Variants in LARP1B observed in about 807,000 individuals in gnomAD.
LARP1B encodes la-related protein 1B.
Under a neutral mutation model 114.2 loss-of-function variants are expected in LARP1B, and 76 were observed. That is an observed-to-expected ratio of 0.67 (90% confidence interval 0.55 to 0.81). LARP1B has a LOEUF of 0.81. Ranked by LOEUF, LARP1B falls within the 30% of genes least tolerant of loss-of-function variation. The probability of loss-of-function intolerance (pLI) is 0.00; values close to 1 mark genes in which losing one functional copy is unlikely to be tolerated. For synonymous variants in LARP1B, 345 were observed against 348.0 expected, an observed-to-expected ratio of 0.99 and a Z score of 0.10; for missense variants, 1,014 against 1,075.8, an observed-to-expected ratio of 0.94 and a Z score of 0.80.
Position 128,162,770 on chromosome 4 carries a change from T to TA in LARP1B, c.1648+460dup, listed in dbSNP as rs1025705306. On this transcript the variant is annotated intron_variant, in intron 12 of 19. Transcript: ENST00000326639. ...ATTATAGCCTTTTCCTGAAGGTGGT[T>TA]AAAAAAATGATTTATAAAAAGTCAC... Among the ~76,000 whole-genome samples the TA allele has an allele frequency of 2.0e-5, 3 of 152,058 alleles. No homozygotes were observed. The East Asian group carries it at 5.8e-4, about 29-fold the overall frequency.
chr4:128,205,688 T>C (rs537638522), intron 17 of LARP1B, among the ~76,000 whole-genome samples: 1 of 89,688 alleles, frequency 1.1e-5, no homozygotes, highest in Non-Finnish European at 3.2e-5. Flanking sequence ...GGCACAGCCG[T>C]ACAGTCTTTA....
intron 15 of LARP1B, among the ~76,000 whole-genome samples, chr4:128,197,880 C>CTTTTTTTTT (rs35888649): frequency 1.6e-4 from 14 of 87,010 alleles, no homozygotes; most frequent in Admixed American, 2.9e-4. Flanking sequence ...ACGATTGTAG[C>CTTTTTTTTT]TTTTTTTTTT....
intron 1 of LARP1B, among the ~76,000 whole-genome samples, chr4:128,068,273 C>G (rs1006315256): frequency 4.6e-5 from 7 of 151,740 alleles, no homozygotes; most frequent in Admixed American, 3.9e-4. Flanking sequence ...CCACCTTGGC[C>G]TCCCAAAGTG....
chr4:128,140,564 G>A (rs371552765), intron 11 of LARP1B, among the ~76,000 whole-genome samples: 11 of 152,126 alleles, frequency 7.2e-5, no homozygotes, highest in Non-Finnish European at 1.3e-4. Context: ...TGTGGGGGCT[G>A]GGGGGAGGTG....
intron 10 of LARP1B, among the ~76,000 whole-genome samples, chr4:128,116,544 G>T (rs1187031796): frequency 6.6e-6 from 1 of 152,138 alleles, no homozygotes; most frequent in South Asian, 2.1e-4. Flanking sequence ...AATTGGTTCT[G>T]GTAGCTGGTT....
At chr4:128,140,926 C>T (rs1266470031) in intron 11 of LARP1B, among the ~76,000 whole-genome samples, 2 of 150,960 alleles carry the variant, frequency 1.3e-5, no homozygotes, top group Non-Finnish European at 2.9e-5. Flanking sequence ...AGCGATTCTG[C>T]TGCCTCAGCC....
At chr4:128,155,101 A>G (rs963349514) in intron 11 of LARP1B, among the ~76,000 whole-genome samples, 15 of 152,172 alleles carry the variant, frequency 9.9e-5, no homozygotes, top group African/African-American at 3.6e-4. Flanking sequence ...CCATTAGATC[A>G]TTAAATCTCT....
chr4:128,210,036 A>G lies in LARP1B; in HGVS notation c.2728A>G (p.Ser910Gly). The G allele has an allele frequency of 1.9e-6, 3 of 1,614,060 alleles. No individual in the cohort carries two copies. Among genetic ancestry groups the G allele is most frequent in the Middle Eastern group, 3.3e-4 (2 of 6,062 alleles). ...CAGAAGGAATATTTCACCGGAGTCC[A>G]GTGACAATTCACATTAAACAGTGCT... ...SPRRNISPESSDNSH is the reference protein window; with the variant it reads ...SPRRNISPESGDNSH Residue 910 changes from serine to glycine, a missense_variant, in exon 20 of 20, where the codon AGT becomes GGT. Ser to Gly is a moderately conservative substitution (Grantham distance 56). Transcript: ENST00000326639.
chr4:128,210,629 T>C lies in LARP1B; in HGVS notation c.*576T>C. On this transcript the variant is annotated 3_prime_UTR_variant, in exon 20 of 20. Transcript: ENST00000326639. ...GACATATAGTTTAAAGAAAACTTTTTTTAAAACAAAAGTAGGAATATATAG... is the reference window on the plus strand; with the variant it reads ...GACATATAGTTTAAAGAAAACTTTTCTTAAAACAAAAGTAGGAATATATAG... The C allele has an allele frequency of 2.1e-6, 2 of 948,110 alleles. No individual in the cohort carries two copies. Among genetic ancestry groups the C allele is most frequent in the Non-Finnish European group, 2.5e-6 (2 of 796,082 alleles). The allele number at this position is 948,110 out of a possible 1,614,324, so 58.7% of individuals were successfully genotyped here. A position where few individuals can be genotyped will look rare whatever the true frequency, so the allele number is the denominator to read the frequency against.
chr4:128,122,411 A>G (rs1788235384), intron 11 of LARP1B: 2 of 1,490,624 alleles, frequency 1.3e-6, no homozygotes, highest in Non-Finnish European at 8.9e-7. Context: ...TACAAAAGAA[A>G]ATTAGTACTC....
chr4:128,173,866 G>A (rs1268213448), intron 12 of LARP1B, among the ~76,000 whole-genome samples: 3 of 152,152 alleles, frequency 2.0e-5, no homozygotes, highest in Non-Finnish European at 2.9e-5. Context: ...CCACAGTCCG[G>A]TTTTAGAACA....
chr4:128,098,103 TG>T (rs1334882625), intron 7 of LARP1B, 82 bp from the exon 8 acceptor site: 2 of 1,051,088 alleles, frequency 1.9e-6, no homozygotes, highest in East Asian at 5.0e-5. Flanking sequence ...TGTTAATGAT[TG>T]GTTTTCACAG....
intron 1 of LARP1B, among the ~76,000 whole-genome samples, chr4:128,062,934 A>G (rs1560998692): frequency 6.6e-6 from 1 of 152,170 alleles, no homozygotes; most frequent in Non-Finnish European, 1.5e-5. Context: ...AAAGTGCTTT[A>G]AGTTATAAGT....
At chr4:128,127,932 A>T (rs1260028840) in intron 11 of LARP1B, among the ~76,000 whole-genome samples, 3 of 152,224 alleles carry the variant, frequency 2.0e-5, no homozygotes, top group African/African-American at 7.2e-5. Context: ...ATAAGGATGA[A>T]CATATAGATC....
intron 11 of LARP1B, among the ~76,000 whole-genome samples, chr4:128,126,803 T>C: frequency 7.7e-6 from 1 of 129,852 alleles, no homozygotes; most frequent in South Asian, 2.6e-4. Context: ...AAGCTTTTTA[T>C]TTGTTTTTGT....
At chr4:128,085,624 TC>T (rs1329810940) in intron 5 of LARP1B, among the ~76,000 whole-genome samples, 1 of 152,182 alleles carries the variant, frequency 6.6e-6, no homozygotes, top group Admixed American at 6.5e-5. Flanking sequence ...TGCCTCGGCC[TC>T]CCGAAGTGTT....
chr4:128,093,663 T>C (rs1419687581), intron 7 of LARP1B, among the ~76,000 whole-genome samples: 1 of 151,506 alleles, frequency 6.6e-6, no homozygotes, highest in East Asian at 1.9e-4. Context: ...TATCGTACAG[T>C]ATGAGGCCTA....
rs1461680361 is a variant in LARP1B, at chr4:128,176,900, C to T, written c.1677C>T (p.Pro559=). The change falls in exon 13 of 20, where the codon CCC becomes CCT. Residue 559 remains proline, a synonymous_variant. Coordinates refer to ENST00000326639, the MANE Select transcript of LARP1B (RefSeq NM_018078.4). The part of the protein sequence containing the change: ...QGGVQGVLHI[P]KKDLTDELAQ... ...GTGTTCAAGGAGTGCTTCACATTCC[C>T]AAGAAAGGTAACATCTGTGGTGGGT... 7 of 1,613,742 alleles carry T rather than the reference C, an allele frequency of 4.3e-6. No individual in the cohort carries two copies. The highest frequency in any genetic ancestry group is 1.7e-5 in the Admixed American group (1 of 60,008).
chr4:128,069,834 A>G (rs1034029560), intron 1 of LARP1B, among the ~76,000 whole-genome samples: 19 of 151,898 alleles, frequency 1.3e-4, no homozygotes, highest in Admixed American at 9.2e-4. Context: ...CTCGAACCCT[A>G]TGTTCATCAT....
Sources: gnomAD v4.1 joint callset for allele counts (sites outside exome capture counted in the v4.1 genomes callset) on GRCh38, gnomAD v4.1.1 for gene constraint, MANE v1.5 for transcripts, NCBI Gene and HGNC (gene_info 2026-07-23, HGNC 2026-07-21) for gene names.